Variants in RASAL2 observed in about 807,000 individuals in gnomAD.
RASAL2 encodes RAS protein activator like 2, also known as ras GTPase-activating protein nGAP.
A neutral mutation model predicts 128.9 loss-of-function variants in RASAL2; 58 were observed. That is an observed-to-expected ratio of 0.45 (90% CI 0.36 to 0.56). The LOEUF is 0.56. RASAL2 is among the 20% of genes least tolerant of loss of function. The pLI is 0.00. For missense variants in RASAL2, 1,360 were observed against 1,601.6 expected (o/e 0.85, Z 2.57); for synonymous variants, 561 against 580.8 (o/e 0.97, Z 0.49).
chr1:178,246,131 G>A (rs1266470695), intron 1 of RASAL2, among the ~76,000 whole-genome samples: 1 of 152,108 alleles, frequency 6.6e-6, no homozygotes, highest in South Asian at 2.1e-4. Context: ...GATAGGAATA[G>A]CATTGAATTT....
intron 1 of RASAL2, among the ~76,000 whole-genome samples, chr1:178,162,214 G>A (rs972650684): frequency 7.5e-5 from 11 of 145,914 alleles, no homozygotes; most frequent in African/African-American, 2.5e-4. Flanking sequence ...ATCTGCCCGC[G>A]TCGGCCTCCC....
intron 1 of RASAL2, among the ~76,000 whole-genome samples, chr1:178,185,210 A>G (rs12049568): frequency 0.087 from 13,240 of 151,566 alleles, 615 homozygotes; most frequent in Middle Eastern, 0.13. Flanking sequence ...TGACCTTGCT[A>G]TAACTGCTTT....
intron 1 of RASAL2, among the ~76,000 whole-genome samples, chr1:178,216,396 T>A (rs1328435090): frequency 6.6e-6 from 1 of 152,246 alleles, no homozygotes; most frequent in African/African-American, 2.4e-5. Context: ...CTTTCTAAGC[T>A]TTAAATTAAT....
At position 178,352,104 on chromosome 1, in the gene RASAL2, G is replaced by A. The variant is rs568499420; in HGVS notation, c.458-37996G>A. Among the ~76,000 whole-genome samples, 5 of 152,318 alleles carry A rather than the reference G, an allele frequency of 3.3e-5. No homozygotes were observed. The South Asian group carries it at 1.0e-3, about 32-fold the overall frequency. On this transcript the variant is annotated intron_variant, in intron 3 of 17. Coordinates refer to ENST00000367649, the MANE Select transcript of RASAL2 (RefSeq NM_170692.4). ...TGGCCAACAACTGTTCCAGAATGATGTTAACATCACACATAGGAATGCTAT... is the reference window on the plus strand; with the variant it reads ...TGGCCAACAACTGTTCCAGAATGATATTAACATCACACATAGGAATGCTAT...
intron 12 of RASAL2, chr1:178,456,350 C>T (rs1677771936): frequency 7.4e-6 from 2 of 270,312 alleles, no homozygotes; most frequent in African/African-American, 2.2e-5. Flanking sequence ...GGTTCTGCCT[C>T]CACCCTCCCC....
At chr1:178,281,913 G>A (rs1571772256) in intron 1 of RASAL2, among the ~76,000 whole-genome samples, 1 of 152,150 alleles carries the variant, frequency 6.6e-6, no homozygotes, top group East Asian at 1.9e-4. Flanking sequence ...AAAGGATTAA[G>A]AGTCAGTTTC....
In RASAL2 at chr1:178,473,240, C is replaced by T. The variant is rs772915154; in HGVS notation, c.*1C>T. Reference sequence around the variant, plus strand: ...TGAATTCAAAAACAGCAGCTGCTGACGGGCTTTGTCTGTGGAAGGAGACAG... The same window carrying T: ...TGAATTCAAAAACAGCAGCTGCTGATGGGCTTTGTCTGTGGAAGGAGACAG... On this transcript the variant is annotated 3_prime_UTR_variant, in exon 18 of 18. Transcript: ENST00000367649. The T allele has an allele frequency of 2.2e-5, 35 of 1,614,012 alleles. No homozygotes were observed. The highest frequency in any genetic ancestry group is 3.3e-4 in the Middle Eastern group (2 of 6,084).
chr1:178,179,392 A>G (rs892902924), intron 1 of RASAL2, among the ~76,000 whole-genome samples: 4 of 152,158 alleles, frequency 2.6e-5, no homozygotes, highest in Admixed American at 2.6e-4. Context: ...AATTCTAAAG[A>G]CTGTGCTTTT....
chr1:178,124,675 A>G (rs1659834850), intron 1 of RASAL2, among the ~76,000 whole-genome samples: 2 of 152,186 alleles, frequency 1.3e-5, no homozygotes, highest in African/African-American at 4.8e-5. Context: ...CAGCTTTAGT[A>G]AGATTTTTAA....
chr1:178,445,903 T>G (rs918240769), intron 9 of RASAL2, among the ~76,000 whole-genome samples: 11 of 152,188 alleles, frequency 7.2e-5, no homozygotes, highest in African/African-American at 2.7e-4. Flanking sequence ...AGCTTCATGA[T>G]TCCAGGATGC....
At chr1:178,239,843 A>G (rs1476643030) in intron 1 of RASAL2, among the ~76,000 whole-genome samples, 2 of 152,010 alleles carry the variant, frequency 1.3e-5, no homozygotes, top group African/African-American at 2.4e-5. Flanking sequence ...ATCCTAAACC[A>G]TGGTTCTTAA....
intron 2 of RASAL2, among the ~76,000 whole-genome samples, chr1:178,287,663 A>G (rs769343826): frequency 3.9e-5 from 6 of 152,228 alleles, no homozygotes; most frequent in Non-Finnish European, 7.3e-5. Flanking sequence ...CTACTCAGCC[A>G]TAAAAAGGAA....
At chr1:178,405,272 AT>A (rs1217445045) in intron 4 of RASAL2, among the ~76,000 whole-genome samples, 3 of 152,216 alleles carry the variant, frequency 2.0e-5, no homozygotes, top group Non-Finnish European at 2.9e-5. Context: ...TTGTTTTTTA[AT>A]TGCAAAATAT....
chr1:178,308,998 A>T (rs1222017990), intron 3 of RASAL2, among the ~76,000 whole-genome samples: 1 of 152,208 alleles, frequency 6.6e-6, no homozygotes, highest in African/African-American at 2.4e-5. Flanking sequence ...TAAGAGATAT[A>T]TTCTTTCCTT....
At chr1:178,237,384 C>CATCA (rs1288184322) in intron 1 of RASAL2, among the ~76,000 whole-genome samples, 1 of 152,070 alleles carries the variant, frequency 6.6e-6, no homozygotes, top group Non-Finnish European at 1.5e-5. Flanking sequence ...ATTTGGAAGC[C>CATCA]ATCAGCCCAT....
chr1:178,439,365 C>G, intron 5 of RASAL2, 57 bp from the exon 6 acceptor site: 18 of 1,449,364 alleles, frequency 1.2e-5, no homozygotes, highest in Middle Eastern at 1.8e-4. Context: ...TTGCATTAGA[C>G]CTTCATTTCC....
chr1:178,167,413 A>G (rs1407755742), intron 1 of RASAL2, among the ~76,000 whole-genome samples: 1 of 152,126 alleles, frequency 6.6e-6, no homozygotes. Context: ...TTTTCAGATA[A>G]TGAATCAAAA....
chr1:178,438,143 TGG>T (rs1491186458), intron 5 of RASAL2, among the ~76,000 whole-genome samples: 35 of 144,304 alleles, frequency 2.4e-4, no homozygotes, highest in African/African-American at 6.1e-4. Flanking sequence ...TGTGTGTGTG[TGG>T]AAAGAAGAAG....
In RASAL2 at chr1:178,458,400, T is replaced by C; in HGVS notation, c.3108T>C (p.Arg1036=). Residue 1036 remains arginine (R), a synonymous_variant, in exon 14 of 18, where the codon CGT becomes CGC. Transcript: ENST00000367649. The stretch of plus-strand genomic sequence containing the variant: ...CCCTGCCACACAGTGCTTCTTTACG[T>C]AGCACCGGGAGCATGTCAGTGGTGT... ...PPSLPHSASL[R]STGSMSVVSA... 6.2e-7 allele frequency: 1 copy of C among 1,614,216 alleles called. No individual in the cohort carries two copies. Among genetic ancestry groups the C allele is most frequent in the Non-Finnish European group, 8.5e-7 (1 of 1,180,042 alleles).
Sources: gnomAD v4.1 joint callset for allele counts (sites outside exome capture counted in the v4.1 genomes callset) on GRCh38, gnomAD v4.1.1 for gene constraint, MANE v1.5 for transcripts, NCBI Gene and HGNC (gene_info 2026-07-23, HGNC 2026-07-21) for gene names.